The following UGGT2 variants were observed in gnomAD, a reference collection of about 807,000 sequenced individuals.
The protein encoded by UGGT2 is UDP-glucose glycoprotein glucosyltransferase 2, also known as UDP-glucose:glycoprotein glucosyltransferase 2.
In UGGT2, 180 loss-of-function variants were observed where a neutral mutation model predicts 192.1. The observed-to-expected ratio is 0.94, with a 90% confidence interval of 0.83 to 1.06. The LOEUF (loss-of-function observed/expected upper bound fraction) is 1.06. UGGT2 is among the 50% of genes least tolerant of loss of function. UGGT2 has a pLI of 0.00. For missense variants in UGGT2, 1,849 were observed against 1,795.7 expected (o/e 1.03, Z -0.54); for synonymous variants, 580 against 591.0 (o/e 0.98, Z 0.27).
chr13:95,944,965 T>C (rs1176374812), intron 15 of UGGT2, among the ~76,000 whole-genome samples: 1 of 152,010 alleles, frequency 6.6e-6, no homozygotes, highest in Non-Finnish European at 1.5e-5. Flanking sequence ...ATTGTATATT[T>C]TGAAGCTACA....
chr13:95,972,782 G>A, intron 10 of UGGT2, 111 bp from the exon 11 acceptor site: 2 of 760,316 alleles, frequency 2.6e-6, no homozygotes, highest in East Asian at 2.7e-5. Flanking sequence ...TTTAGGTTTG[G>A]CAGGCCATAC....
intron 12 of UGGT2, among the ~76,000 whole-genome samples, chr13:95,966,831 TA>T: frequency 6.6e-6 from 1 of 152,324 alleles, no homozygotes; most frequent in Admixed American, 6.5e-5. Context: ...ATTAATGCCT[TA>T]AATTTTGATA....
At chr13:95,955,962 G>T (rs1200329951) in intron 12 of UGGT2, among the ~76,000 whole-genome samples, 1 of 152,126 alleles carries the variant, frequency 6.6e-6, no homozygotes, top group African/African-American at 2.4e-5. Flanking sequence ...ACCTAATAGG[G>T]TCGCTGTGCA....
intron 17 of UGGT2, among the ~76,000 whole-genome samples, chr13:95,929,985 C>T (rs538010234): frequency 2.6e-5 from 4 of 152,268 alleles, no homozygotes; most frequent in East Asian, 1.9e-4. Context: ...CTAAATGGTA[C>T]GAGATGGTGT....
rs942177887 is a variant in UGGT2, at chr13:95,884,377, A to G, written c.3228+114T>C. ...TTGGATCAGGACCTAGAATCATAAA[A>G]AAGAATATTCTGGTAAACATTCATA... is the stretch of plus-strand genomic sequence containing the variant. On this transcript the variant is annotated intron_variant, in intron 27 of 38. Coordinates refer to ENST00000376747, the MANE Select transcript of UGGT2 (RefSeq NM_020121.4). The G allele has an allele frequency of 7.9e-6, 7 of 890,350 alleles. No individual in the cohort carries two copies. In the Admixed American group the frequency reaches 1.5e-4, roughly 19 times the overall value. The allele number at this position is 890,350 out of a possible 1,614,324, so 55.2% of individuals were successfully genotyped here.
At chr13:95,809,481 CT>C in intron 38 of UGGT2, 1 of 353,798 alleles carries the variant, frequency 2.8e-6, no homozygotes, top group Non-Finnish European at 5.6e-6. Context: ...GAGATTTACC[CT>C]TTTCTGCTGC....
At chr13:95,883,738 G>C (rs955254225) in intron 27 of UGGT2, among the ~76,000 whole-genome samples, 2 of 152,056 alleles carry the variant, frequency 1.3e-5, no homozygotes, top group Non-Finnish European at 2.9e-5. Flanking sequence ...ATTTAAATTA[G>C]CCAGTCTCAG....
chr13:95,899,758 A>G lies in UGGT2; in HGVS notation c.2634+1049T>C, dbSNP rs946953958. ...CCTCCCAAAGTAACTTTTAAAGTGA[A>G]AAAGCAATGCCATTTACAGAGCTCT... On this transcript the variant is annotated intron_variant, in intron 22 of 38. Transcript: ENST00000376747. Among the ~76,000 whole-genome samples, 3 of 152,150 alleles carry G rather than the reference A, an allele frequency of 2.0e-5. No individual in the cohort carries two copies. In the East Asian group the frequency reaches 5.8e-4, roughly 29 times the overall value.
At chr13:95,997,277 T>C (rs1033570612) in intron 6 of UGGT2, among the ~76,000 whole-genome samples, 4 of 151,752 alleles carry the variant, frequency 2.6e-5, no homozygotes, top group African/African-American at 7.3e-5. Context: ...CAGAAAGATA[T>C]GGGATATAGA....
At chr13:95,972,226 G>A (rs1196930207) in intron 11 of UGGT2, among the ~76,000 whole-genome samples, 1 of 149,902 alleles carries the variant, frequency 6.7e-6, no homozygotes, top group Non-Finnish European at 1.5e-5. Flanking sequence ...TCTGTCTTCT[G>A]GGGAAATACC....
chr13:95,929,190 G>C (rs552397127), intron 17 of UGGT2, among the ~76,000 whole-genome samples: 1 of 152,124 alleles, frequency 6.6e-6, no homozygotes, highest in Non-Finnish European at 1.5e-5. Context: ...GAGGGAGAGG[G>C]GGAGGGAGAA....
rs748302470 is a variant in UGGT2, at chr13:95,884,546, C to A, written c.3173G>T (p.Trp1058Leu). ...LILNMITPEG[W>L]LVETVHSNCD... ...GTTGCTGTGCACTGTTTCAACCAAC[C>A]AGCCTTCTGGAGTAATCATGTTGAG... The change falls in exon 27 of 39, where the codon TGG (tryptophan) becomes TTG (leucine). Residue 1058 changes from tryptophan to leucine, a missense_variant. Transcript: ENST00000376747. 6.2e-7 allele frequency: 1 copy of A among 1,613,756 alleles called. No homozygotes were observed. The highest frequency in any genetic ancestry group is 8.5e-7 in the Non-Finnish European group (1 of 1,179,868).
chr13:95,889,180 A>G (rs988750197), intron 25 of UGGT2, among the ~76,000 whole-genome samples: 2 of 63,356 alleles, frequency 3.2e-5, no homozygotes, highest in Non-Finnish European at 8.4e-5. Context: ...TTGCATACTA[A>G]AAAGCATCAT....
chr13:95,811,100 AT>A (rs888529638), intron 38 of UGGT2, among the ~76,000 whole-genome samples: 9 of 152,168 alleles, frequency 5.9e-5, no homozygotes, highest in African/African-American at 1.7e-4. Flanking sequence ...AAAAGACATA[AT>A]AAGTATTGAC....
chr13:95,919,040 T>A (rs986117453), intron 20 of UGGT2, among the ~76,000 whole-genome samples: 1 of 152,150 alleles, frequency 6.6e-6, no homozygotes, highest in Non-Finnish European at 1.5e-5. Context: ...GTTGGCTTCA[T>A]CCCCAGGATG....
intron 20 of UGGT2, among the ~76,000 whole-genome samples, chr13:95,903,310 G>A (rs2048166732): frequency 6.6e-6 from 1 of 151,628 alleles, no homozygotes; most frequent in African/African-American, 2.4e-5. Context: ...TAAGCTTTTT[G>A]TATGTGAAAT....
At chr13:95,869,036 T>TC (rs1283602923) in intron 29 of UGGT2, among the ~76,000 whole-genome samples, 1 of 114,204 alleles carries the variant, frequency 8.8e-6, no homozygotes, top group African/African-American at 3.3e-5. Flanking sequence ...CCCTCCCCCC[T>TC]CCCCTCACCC....
intron 12 of UGGT2, among the ~76,000 whole-genome samples, chr13:95,958,532 C>T (rs546402819): frequency 4.6e-5 from 7 of 151,708 alleles, no homozygotes; most frequent in Admixed American, 1.3e-4. Context: ...CAGAGAGAAT[C>T]CCTTACATTT....
intron 1 of UGGT2, among the ~76,000 whole-genome samples, chr13:96,042,347 G>C (rs975528693): frequency 6.6e-6 from 1 of 152,086 alleles, no homozygotes; most frequent in Non-Finnish European, 1.5e-5. Context: ...ACCTCTATGG[G>C]ACAAAAGAAT....
Sources: allele counts gnomAD v4.1 joint callset (sites outside exome capture counted in the v4.1 genomes callset), GRCh38; gene constraint gnomAD v4.1.1; transcripts MANE v1.5; gene names NCBI Gene and HGNC (gene_info 2026-07-23, HGNC 2026-07-21).